Variants in OSBPL9 observed in about 807,000 individuals in gnomAD.
The protein encoded by OSBPL9 is oxysterol-binding protein-related protein 9.
A neutral mutation model predicts 106.6 loss-of-function variants in OSBPL9; 40 were observed. That is an observed-to-expected ratio of 0.38 (90% CI 0.29 to 0.49). The LOEUF is 0.49. OSBPL9 is among the 20% of genes least tolerant of loss of function. The pLI, the probability that OSBPL9 is intolerant of heterozygous loss-of-function variation, is 0.97. For missense variants in OSBPL9, 609 were observed against 887.2 expected, an observed-to-expected ratio of 0.69 and a Z score of 3.98; for synonymous variants, 269 against 295.4, an observed-to-expected ratio of 0.91 and a Z score of 0.92.
the OSBPL9 span, among the ~76,000 whole-genome samples, chr1:51,558,072 A>T: frequency 1.3e-4 from 20 of 152,312 alleles, no homozygotes; most frequent in Admixed American, 3.9e-4. Flanking sequence ...CGAGGTCAGG[A>T]GATCAAGACC....
At chr1:51,529,216 C>A in the OSBPL9 span, among the ~76,000 whole-genome samples, 4,811 of 150,934 alleles carry the variant, frequency 0.032, 122 homozygotes, top group East Asian at 0.14. Flanking sequence ...CAATGAAGAA[C>A]AAATTTGGAA....
intron 3 of OSBPL9, among the ~76,000 whole-genome samples, chr1:51,682,626 C>T (rs528556604): frequency 3.3e-5 from 5 of 151,886 alleles, no homozygotes; most frequent in Admixed American, 6.6e-5. Context: ...GGCCTGGTGG[C>T]GCGCGCCTAT....
the OSBPL9 span, among the ~76,000 whole-genome samples, chr1:51,547,576 G>A: frequency 5.0e-3 from 759 of 152,260 alleles, 9 homozygotes; most frequent in African/African-American, 0.017. Context: ...AGGGCACGGT[G>A]GTTCACCTGT....
intron 1 of OSBPL9, chr1:51,583,860 A>G (rs1645234151): frequency 6.6e-6 from 1 of 152,088 alleles, no homozygotes; most frequent in South Asian, 2.1e-4. Flanking sequence ...ACACACACAC[A>G]CAAGCACACA....
intron 21 of OSBPL9, chr1:51,786,120 C>G (rs1234081488): frequency 5.7e-6 from 3 of 525,798 alleles, no homozygotes; most frequent in African/African-American, 4.0e-5. Flanking sequence ...ACTTTTCTCT[C>G]TGCTCTCAAA....
chr1:51,707,257 C>T lies in OSBPL9; in HGVS notation c.242-6746C>T, dbSNP rs1487971045. 4 of 252,694 alleles carry T rather than the reference C, an allele frequency of 1.6e-5. No homozygotes were observed. In the East Asian group the frequency reaches 5.1e-4, roughly 32 times the overall value. The allele number at this position is 252,694 out of a possible 1,614,324, so 15.7% of individuals were successfully genotyped here. A position where few individuals can be genotyped will look rare whatever the true frequency, so the allele number is the denominator to read the frequency against. On this transcript the variant is annotated intron_variant, in intron 3 of 23. Transcript: ENST00000428468. ...TGGTCATTGAGGGCAGTGGTGGCCC[C>T]ATCATGGAAGGTGGAAGAGTGGTTC...
chr1:51,788,109 G>A lies in OSBPL9; in HGVS notation c.*320G>A. On this transcript the variant is annotated 3_prime_UTR_variant, in exon 24 of 24. Transcript: ENST00000428468. ...GTCTGAAACTCTGCGCTCTAGTACT[G>A]CTGTTAAGATACACAACTTGTTTCT... 1 of 313,684 alleles carries A rather than the reference G, an allele frequency of 3.2e-6. No individual in the cohort carries two copies. Among genetic ancestry groups the A allele is most frequent in the Admixed American group, 4.7e-5 (1 of 21,450 alleles). The allele number at this position is 313,684 out of a possible 1,614,324, so 19.4% of individuals were successfully genotyped here. A position where few individuals can be genotyped will look rare whatever the true frequency, so the allele number is the denominator to read the frequency against.
chr1:51,602,015 G>GTCCTTTTTTTT (rs1557581345), intron 2 of OSBPL9, among the ~76,000 whole-genome samples: 1 of 16,320 alleles, frequency 6.1e-5, no homozygotes, highest in African/African-American at 2.1e-4. Flanking sequence ...CATTCTTGGG[G>GTCCTTTTTTTT]TTCTTTTTTT....
At chr1:51,553,528 C>A in the OSBPL9 span, among the ~76,000 whole-genome samples, 3 of 151,576 alleles carry the variant, frequency 2.0e-5, no homozygotes, top group Non-Finnish European at 4.4e-5. Flanking sequence ...ACAACAAAAA[C>A]CAAAACAAAA....
chr1:51,646,854 G>T (rs11205875), intron 1 of OSBPL9, among the ~76,000 whole-genome samples: 7,594 of 152,078 alleles, frequency 0.05, 428 homozygotes, highest in African/African-American at 0.14. Flanking sequence ...TTTCTATATG[G>T]AAGGTTATGT....
intron 8 of OSBPL9, among the ~76,000 whole-genome samples, chr1:51,755,401 T>C (rs924402946): frequency 6.6e-6 from 1 of 152,238 alleles, no homozygotes; most frequent in Non-Finnish European, 1.5e-5. Flanking sequence ...ATTTTCTATA[T>C]AGATGGTCCC....
At chr1:51,629,249 C>A (rs1557606731) in intron 1 of OSBPL9, among the ~76,000 whole-genome samples, 3 of 152,082 alleles carry the variant, frequency 2.0e-5, no homozygotes, top group Non-Finnish European at 4.4e-5. Context: ...TATTTTGTTT[C>A]TCTTGCTTAT....
the OSBPL9 span, among the ~76,000 whole-genome samples, chr1:51,528,157 C>T: frequency 1.1e-4 from 17 of 151,618 alleles, no homozygotes; most frequent in Non-Finnish European, 2.1e-4. Flanking sequence ...CTCTATTCAG[C>T]ATTATACTGG....
At chr1:51,523,462 G>A in the OSBPL9 span, among the ~76,000 whole-genome samples, 1 of 150,912 alleles carries the variant, frequency 6.6e-6, no homozygotes, top group Admixed American at 6.6e-5. Flanking sequence ...GCTCTACAAG[G>A]GTTATTTTTA....
At chr1:51,592,850 T>C (rs1284481034) in intron 1 of OSBPL9, among the ~76,000 whole-genome samples, 1 of 152,192 alleles carries the variant, frequency 6.6e-6, no homozygotes, top group Non-Finnish European at 1.5e-5. Flanking sequence ...CTTGAGGGAA[T>C]GATGGCAGGT....
chr1:51,630,154 G>A (rs1645020011), intron 1 of OSBPL9, among the ~76,000 whole-genome samples: 1 of 152,080 alleles, frequency 6.6e-6, no homozygotes, highest in Admixed American at 6.6e-5. Flanking sequence ...TCCAGGTGTA[G>A]TTGCATTTCT....
intron 8 of OSBPL9, among the ~76,000 whole-genome samples, chr1:51,751,753 A>C (rs892249720): frequency 6.6e-6 from 1 of 152,208 alleles, no homozygotes; most frequent in African/African-American, 2.4e-5. Context: ...TCTGAAAATC[A>C]TTCAGGACTT....
intron 3 of OSBPL9, among the ~76,000 whole-genome samples, chr1:51,678,098 C>T (rs1299717502): frequency 6.6e-6 from 1 of 151,894 alleles, no homozygotes; most frequent in African/African-American, 2.4e-5. Flanking sequence ...CAGATGAGTC[C>T]CTTGAGTTTG....
intron 3 of OSBPL9, among the ~76,000 whole-genome samples, chr1:51,679,899 T>C (rs1295038187): frequency 6.6e-6 from 1 of 152,226 alleles, no homozygotes; most frequent in Non-Finnish European, 1.5e-5. Flanking sequence ...AGTTAAACTT[T>C]ATTATAGGCA....
Sources: gnomAD v4.1 joint callset for allele counts (sites outside exome capture counted in the v4.1 genomes callset) on GRCh38, gnomAD v4.1.1 for gene constraint, MANE v1.5 for transcripts, NCBI Gene and HGNC (gene_info 2026-07-23, HGNC 2026-07-21) for gene names.